The following MAP3K20 variants were observed in gnomAD, a reference collection of about 807,000 sequenced individuals.
The protein encoded by MAP3K20 is HCCS-4.
Under a neutral mutation model 85.7 loss-of-function variants are expected in MAP3K20, and 40 were observed. The observed-to-expected ratio is 0.47, with a 90% confidence interval of 0.36 to 0.61. The LOEUF is 0.61. Ranked by LOEUF, MAP3K20 falls within the 20% of genes least tolerant of loss-of-function variation. The pLI is 0.00. For synonymous variants in MAP3K20, 325 were observed against 327.7 expected, an observed-to-expected ratio of 0.99 and a Z score of 0.09; for missense variants, 817 against 961.7, an observed-to-expected ratio of 0.85 and a Z score of 1.99.
At chr2:173,225,608 A>AG (rs1553588787) in intron 11 of MAP3K20, 1 of 971,952 alleles carries the variant, frequency 1.0e-6, no homozygotes, top group Non-Finnish European at 1.2e-6. Context: ...AAAAAAAAAA[A>AG]CAAAAAAAAA....
At chr2:173,214,606 A>G (rs1178093066) in intron 10 of MAP3K20, 1 of 152,186 alleles carries the variant, frequency 6.6e-6, no homozygotes, top group African/African-American at 2.4e-5. Context: ...TATATTCTAT[A>G]TCACTCTTTT....
At chr2:173,138,029 G>A (rs953652875) in intron 2 of MAP3K20, among the ~76,000 whole-genome samples, 1 of 152,054 alleles carries the variant, frequency 6.6e-6, no homozygotes, top group Admixed American at 6.5e-5. Flanking sequence ...GTGCAGTGGC[G>A]TGATCTCGGC....
intron 7 of MAP3K20, among the ~76,000 whole-genome samples, chr2:173,195,100 G>A (rs546679030): frequency 6.7e-6 from 1 of 149,592 alleles, no homozygotes; most frequent in East Asian, 2.0e-4. Context: ...GAACCTGGAA[G>A]AGTGTTTAGT....
intron 12 of MAP3K20, among the ~76,000 whole-genome samples, chr2:173,231,828 T>C (rs1457324405): frequency 1.3e-5 from 2 of 152,238 alleles, no homozygotes; most frequent in Admixed American, 1.3e-4. Flanking sequence ...CACTGCTGTG[T>C]GGTCCCTGGA....
intron 3 of MAP3K20, among the ~76,000 whole-genome samples, chr2:173,175,331 C>G (rs1690121736): frequency 6.6e-6 from 1 of 152,102 alleles, no homozygotes; most frequent in Non-Finnish European, 1.5e-5. Flanking sequence ...TTATAATATC[C>G]ACATGACTGT....
At chr2:173,258,421 C>T (rs1326328232) in intron 16 of MAP3K20, among the ~76,000 whole-genome samples, 1 of 152,062 alleles carries the variant, frequency 6.6e-6, no homozygotes, top group Non-Finnish European at 1.5e-5. Flanking sequence ...TGGTTTTACT[C>T]CTTTTTATTA....
intron 2 of MAP3K20, among the ~76,000 whole-genome samples, chr2:173,125,118 A>G (rs1023154193): frequency 3.3e-5 from 5 of 152,240 alleles, no homozygotes; most frequent in African/African-American, 1.2e-4. Context: ...TTAATCCACA[A>G]CTTGCACATT....
chr2:173,169,757 T>C, intron 2 of MAP3K20, 48 bp from the exon 3 acceptor site: 1 of 1,568,204 alleles, frequency 6.4e-7, no homozygotes, highest in Non-Finnish European at 8.7e-7. Context: ...TATTTGACTA[T>C]TATAAATGTG....
intron 2 of MAP3K20, among the ~76,000 whole-genome samples, chr2:173,145,131 A>G (rs576105906): frequency 6.6e-6 from 1 of 152,328 alleles, no homozygotes; most frequent in East Asian, 1.9e-4. Flanking sequence ...TAGTACTTCT[A>G]TAAGAAAGCA....
At chr2:173,151,314 G>C (rs145559053) in intron 2 of MAP3K20, among the ~76,000 whole-genome samples, 211 of 152,308 alleles carry the variant, frequency 1.4e-3, no homozygotes, top group Non-Finnish European at 2.4e-3. Context: ...ACCCATGCCT[G>C]AGCCCCACCC....
At chr2:173,223,943 C>T in intron 11 of MAP3K20, 2 of 985,442 alleles carry the variant, frequency 2.0e-6, no homozygotes, top group Non-Finnish European at 1.2e-6. Context: ...GAGCCAATAG[C>T]ATGGGGTTTA....
At chr2:173,090,968 T>C (rs1687279333) in intron 1 of MAP3K20, 30 bp from the exon 2 acceptor site, 1 of 1,553,132 alleles carries the variant, frequency 6.4e-7, no homozygotes, top group Non-Finnish European at 8.7e-7. Context: ...ATATTTGTAA[T>C]TCAGCTTTTC....
rs61643498 is a variant in MAP3K20, at chr2:173,197,721, A to T, written c.583-305A>T. The stretch of plus-strand genomic sequence containing the variant: ...AAAATATACAATCTAATTTGTGAGA[A>T]CATAAAAATTCTGATAATTTATGAG... On this transcript the variant is annotated intron_variant, in intron 7 of 19. Coordinates refer to ENST00000375213, the MANE Select transcript of MAP3K20 (RefSeq NM_016653.3). The T allele has an allele frequency of 8.7e-3, 1,392 of 160,192 alleles. 7 individuals carry two copies. The highest frequency in any genetic ancestry group is 0.016 in the African/African-American group (661 of 41,802). 9.9% of individuals were successfully genotyped at this position (160,192 alleles called of 1,614,324 possible).
chr2:173,168,064 C>T (rs1379656011), intron 2 of MAP3K20, among the ~76,000 whole-genome samples: 3 of 151,234 alleles, frequency 2.0e-5, no homozygotes, highest in Non-Finnish European at 2.9e-5. Context: ...TTACAAAAAA[C>T]TTTATTTATT....
At chr2:173,264,410 C>G (rs1685364895) in intron 19 of MAP3K20, among the ~76,000 whole-genome samples, 1 of 152,170 alleles carries the variant, frequency 6.6e-6, no homozygotes, top group Non-Finnish European at 1.5e-5. Flanking sequence ...CGGCTCCTCT[C>G]CTGTTTACAG....
At chr2:173,165,247 G>GA (rs11310645) in intron 2 of MAP3K20, among the ~76,000 whole-genome samples, 138 of 145,000 alleles carry the variant, frequency 9.5e-4, no homozygotes, top group South Asian at 6.2e-3. Flanking sequence ...TGTCTCTACT[G>GA]AAAAAAAAAA....
chr2:173,076,066 G>T, intron 1 of MAP3K20, 64 bp downstream of exon 1: 1 of 969,850 alleles, frequency 1.0e-6, no homozygotes, highest in Non-Finnish European at 1.2e-6. Context: ...CCGCGCTCGC[G>T]AGTCGTCCCT....
At chr2:173,172,810 T>C (rs570529335) in intron 3 of MAP3K20, among the ~76,000 whole-genome samples, 33 of 152,094 alleles carry the variant, frequency 2.2e-4, no homozygotes, top group South Asian at 1.9e-3. Context: ...CTTTTCTTTT[T>C]TTTTTTTGAG....
At chr2:173,222,966 A>G (rs1684291132) in intron 11 of MAP3K20, 6 of 985,442 alleles carry the variant, frequency 6.1e-6, no homozygotes, top group Non-Finnish European at 7.2e-6. Flanking sequence ...TTTGACTGTT[A>G]AACCAAAATA....
Sources: allele counts gnomAD v4.1 joint callset (sites outside exome capture counted in the v4.1 genomes callset), GRCh38; gene constraint gnomAD v4.1.1; transcripts MANE v1.5; gene names NCBI Gene and HGNC (gene_info 2026-07-23, HGNC 2026-07-21).